The following NSDHL variants were observed in gnomAD, a reference collection of about 807,000 sequenced individuals.
NSDHL encodes NAD(P) dependent 3-beta-hydroxysteroid dehydrogenase NSDHL.
A neutral mutation model predicts 23.0 loss-of-function variants in NSDHL; 1 was observed. That is an observed-to-expected ratio of 0.04 (90% CI 0.02 to 0.21). The LOEUF is 0.21. Among genes scored for constraint, NSDHL ranks in the 10% least tolerant of loss-of-function variants. NSDHL has a pLI of 1.00. For missense variants in NSDHL, 237 were observed against 300.9 expected (o/e 0.79, Z 1.57); for synonymous variants, 128 against 121.1 (o/e 1.06, Z -0.37).
At chrX:152,867,703 G>A in intron 7 of NSDHL, 30 bp downstream of exon 7, 1 of 1,041,471 alleles carries the variant, frequency 9.6e-7, no homozygotes, top group East Asian at 3.0e-5. Context: ...TCCCTGCACA[G>A]GTGCCTTTCT....
chrX:152,868,069 C>T (rs1157524568), intron 7 of NSDHL, among the ~76,000 whole-genome samples: 1 of 110,683 alleles, frequency 9.0e-6, no homozygotes, highest in Non-Finnish European at 1.9e-5. Flanking sequence ...CTTTTATTCT[C>T]CTGAACCTCT....
intron 1 of NSDHL, among the ~76,000 whole-genome samples, chrX:152,838,031 G>A (rs1418508706): frequency 2.7e-5 from 3 of 111,808 alleles, no homozygotes; most frequent in African/African-American, 9.8e-5. Context: ...TTGGGAGGAT[G>A]TGTGTGTCCA....
Position 152,858,613 on chromosome X carries a change from C to T in NSDHL, c.268-157C>T, listed in dbSNP as rs782311218. ...AACTTGGTTTCCATCCCATGTACTT[C>T]GGTATCATTGATTCTTTTATGAGAA... On this transcript the variant is annotated intron_variant, in intron 3 of 7. Transcript: ENST00000370274. Among the ~76,000 whole-genome samples the T allele has an allele frequency of 2.2e-4, 25 of 111,715 alleles. No homozygotes were observed. In the East Asian group the frequency reaches 6.5e-3, roughly 29 times the overall value.
intron 6 of NSDHL, among the ~76,000 whole-genome samples, chrX:152,866,942 A>G (rs1456947013): frequency 2.7e-5 from 3 of 111,421 alleles, no homozygotes; most frequent in African/African-American, 9.8e-5. Flanking sequence ...ACTCAGAGGG[A>G]AAGCAATGGG....
intron 3 of NSDHL, among the ~76,000 whole-genome samples, chrX:152,853,001 T>C (rs1414714678): frequency 4.5e-5 from 5 of 110,114 alleles, no homozygotes; most frequent in Non-Finnish European, 9.5e-5. Flanking sequence ...ACTCCAGAAC[T>C]TATTCTCTTT....
chrX:152,844,753 A>G (rs1933245468), intron 1 of NSDHL, among the ~76,000 whole-genome samples: 1 of 112,402 alleles, frequency 8.9e-6, no homozygotes, highest in Non-Finnish European at 1.9e-5. Context: ...GGGTGTGCCC[A>G]CACATGGTAG....
chrX:152,862,477 C>A (rs1293102678), intron 4 of NSDHL, 119 bp from the exon 5 acceptor site: 1 of 646,424 alleles, frequency 1.5e-6, no homozygotes, highest in Non-Finnish European at 2.5e-6. Flanking sequence ...ATAATTTCTT[C>A]AGTGCCTCGA....
At chrX:152,848,501 C>T (rs1933308362) in intron 2 of NSDHL, among the ~76,000 whole-genome samples, 1 of 112,671 alleles carries the variant, frequency 8.9e-6, no homozygotes, top group Non-Finnish European at 1.9e-5. Flanking sequence ...AAATAATCCA[C>T]GTCACATTGT....
chrX:152,854,428 T>C (rs1156308724), intron 3 of NSDHL, among the ~76,000 whole-genome samples: 1 of 110,034 alleles, frequency 9.1e-6, no homozygotes, highest in African/African-American at 3.3e-5. Context: ...TTTTTATTTT[T>C]ATTTTTTTAG....
intron 3 of NSDHL, among the ~76,000 whole-genome samples, chrX:152,850,963 C>G (rs997243186): frequency 9.8e-5 from 11 of 112,217 alleles, no homozygotes; most frequent in Non-Finnish European, 1.1e-4. Flanking sequence ...CGCCACTCAT[C>G]TACTTCCCAT....
At chrX:152,838,777 G>A (rs1933143157) in intron 1 of NSDHL, among the ~76,000 whole-genome samples, 2 of 111,878 alleles carry the variant, frequency 1.8e-5, no homozygotes, top group Admixed American at 9.5e-5. Flanking sequence ...ATATTCTGTT[G>A]ATTTGGGGTG....
intron 2 of NSDHL, among the ~76,000 whole-genome samples, chrX:152,849,037 T>G (rs927060588): frequency 3.6e-5 from 4 of 111,727 alleles, no homozygotes; most frequent in Non-Finnish European, 7.5e-5. Context: ...AGATTGCACA[T>G]GGACAGATGA....
intron 3 of NSDHL, among the ~76,000 whole-genome samples, chrX:152,858,461 A>G (rs985681837): frequency 9.0e-6 from 1 of 111,242 alleles, no homozygotes; most frequent in Non-Finnish European, 1.9e-5. Flanking sequence ...GGGGAGTTTT[A>G]CCTCCTAGGT....
chrX:152,860,028 C>T lies in NSDHL; in HGVS notation c.414+1112C>T, dbSNP rs781857989. On this transcript the variant is annotated intron_variant, in intron 4 of 7. Coordinates refer to ENST00000370274, the MANE Select transcript of NSDHL (RefSeq NM_015922.3). ...CAGTATCCTGACCCTCACAGGGATG[C>T]ATGCCACAGGTACTGCATAAATTAA... Among the ~76,000 whole-genome samples the T allele has an allele frequency of 7.1e-5, 8 of 112,071 alleles. No individual in the cohort carries two copies. In the East Asian group the frequency reaches 2.0e-3, roughly 28 times the overall value.
intron 1 of NSDHL, among the ~76,000 whole-genome samples, chrX:152,832,947 C>G (rs1933036611): frequency 9.0e-6 from 1 of 111,395 alleles, no homozygotes; most frequent in Non-Finnish European, 1.9e-5. Flanking sequence ...AGATTTTTTT[C>G]TCATCTCTCC....
intron 1 of NSDHL, among the ~76,000 whole-genome samples, chrX:152,833,365 G>A (rs1273513434): frequency 4.1e-5 from 4 of 98,264 alleles, no homozygotes; most frequent in African/African-American, 1.2e-4. Flanking sequence ...CGCCCACCAT[G>A]CCTGGAGCCT....
chrX:152,838,426 G>T (rs1482375083), intron 1 of NSDHL, among the ~76,000 whole-genome samples: 1 of 111,720 alleles, frequency 9.0e-6, no homozygotes, highest in Non-Finnish European at 1.9e-5. Flanking sequence ...GCTTTCTCTT[G>T]TGGGCATTTA....
rs373164133 is a variant in NSDHL, at chrX:152,862,732, C to T, written c.543+8C>T. On this transcript the variant is annotated splice_region_variant and intron_variant, in intron 5 of 7. Coordinates refer to ENST00000370274, the MANE Select transcript of NSDHL (RefSeq NM_015922.3). Reference sequence around the variant, plus strand: ...AAGATCTTACAGGAGAGGGTATGTACCTTGGAACTGGTTGAGTGAGCAGAC... The same window carrying T: ...AAGATCTTACAGGAGAGGGTATGTATCTTGGAACTGGTTGAGTGAGCAGAC... 210 of 1,203,010 alleles carry T rather than the reference C, an allele frequency of 1.7e-4. No individual in the cohort carries two copies. Among genetic ancestry groups the T allele is most frequent in the Non-Finnish European group, 2.2e-4 (195 of 889,050 alleles).
At chrX:152,861,747 C>T (rs1483486845) in intron 4 of NSDHL, among the ~76,000 whole-genome samples, 1 of 112,508 alleles carries the variant, frequency 8.9e-6, no homozygotes, top group East Asian at 2.8e-4. Flanking sequence ...GTATGTACTT[C>T]GTTTTTTGTT....
Sources: gnomAD v4.1 joint callset for allele counts (sites outside exome capture counted in the v4.1 genomes callset) on GRCh38, gnomAD v4.1.1 for gene constraint, MANE v1.5 for transcripts, NCBI Gene and HGNC (gene_info 2026-07-23, HGNC 2026-07-21) for gene names.